Variants in GPATCH2 observed in about 807,000 individuals in gnomAD.
The protein encoded by GPATCH2 is G patch domain-containing protein 2.
Under a neutral mutation model 58.0 loss-of-function variants are expected in GPATCH2, and 51 were observed. The observed-to-expected ratio is 0.88, with a 90% CI of 0.70 to 1.11. The LOEUF (loss-of-function observed/expected upper bound fraction) is 1.11. GPATCH2 is among the 50% of genes most tolerant of loss of function. The pLI is 0.00. For synonymous variants in GPATCH2, 222 were observed against 218.5 expected, an observed-to-expected ratio of 1.02 and a Z score of -0.14; for missense variants, 625 against 652.2, an observed-to-expected ratio of 0.96 and a Z score of 0.45.
chr1:217,440,899 G>C (rs888012787), intron 9 of GPATCH2, among the ~76,000 whole-genome samples: 4 of 152,160 alleles, frequency 2.6e-5, no homozygotes, highest in African/African-American at 9.7e-5. Flanking sequence ...TCATGGATAG[G>C]AAGAATCAAT....
In GPATCH2 at chr1:217,549,603, TAG is replaced by T. The variant is rs201792937; in HGVS notation, c.1099-34716_1099-34715del. Among the ~76,000 whole-genome samples the T allele has an allele frequency of 4.5e-3, 692 of 152,302 alleles. 10 individuals carry two copies. The highest frequency in any genetic ancestry group is 0.015 in the African/African-American group (640 of 41,582). On this transcript the variant is annotated intron_variant, in intron 5 of 9. Transcript: ENST00000366935. ...GACCATTCAAAAGTAATGAAATACT[TAG>T]AGACTCTTGTCATTCATTCATTCAC...
chr1:217,494,275 G>A lies in GPATCH2; in HGVS notation c.1207-2525C>T, dbSNP rs143756504. 8.8e-3 allele frequency among the ~76,000 whole-genome samples: 1,345 copies of A among 152,280 alleles called. 15 individuals are homozygous for A. Among genetic ancestry groups the A allele is most frequent in the African/African-American group, 0.031 (1,272 of 41,564 alleles). ...ATCACAAACTTATCTCACCTTATCA[G>A]TACAATTATACATCTGGGGATACCA... On this transcript the variant is annotated intron_variant, in intron 7 of 9. Coordinates refer to ENST00000366935, the MANE Select transcript of GPATCH2 (RefSeq NM_018040.5).
intron 5 of GPATCH2, among the ~76,000 whole-genome samples, chr1:217,568,067 A>T (rs923324546): frequency 3.9e-5 from 6 of 152,220 alleles, no homozygotes; most frequent in Non-Finnish European, 7.3e-5. Context: ...CAGTGAGCCG[A>T]GATCGTGCCA....
intron 5 of GPATCH2, among the ~76,000 whole-genome samples, chr1:217,595,608 T>C (rs984720117): frequency 6.6e-6 from 1 of 152,060 alleles, no homozygotes; most frequent in African/African-American, 2.4e-5. Flanking sequence ...CAAGAAATTC[T>C]CCTGCCTCAG....
At chr1:217,471,114 A>G (rs1558415841) in intron 8 of GPATCH2, among the ~76,000 whole-genome samples, 1 of 151,908 alleles carries the variant, frequency 6.6e-6, no homozygotes, top group African/African-American at 2.4e-5. Flanking sequence ...ATATAAATAT[A>G]TAAAATATAA....
At chr1:217,447,911 A>AAC in intron 9 of GPATCH2, among the ~76,000 whole-genome samples, 1 of 152,218 alleles carries the variant, frequency 6.6e-6, no homozygotes, top group African/African-American at 2.4e-5. Flanking sequence ...CAGCCTGGCC[A>AAC]ACATGGTGAA....
At chr1:217,533,206 G>A (rs1005192078) in intron 5 of GPATCH2, among the ~76,000 whole-genome samples, 1 of 151,968 alleles carries the variant, frequency 6.6e-6, no homozygotes, top group Non-Finnish European at 1.5e-5. Context: ...ACCACACCCA[G>A]CCTGCTCTTT....
Position 217,447,030 on chromosome 1 carries a change from G to A in GPATCH2, c.1366+2219C>T, listed in dbSNP as rs61198190. 1.0e-2 allele frequency among the ~76,000 whole-genome samples: 1,515 copies of A among 152,180 alleles called. 18 individuals carry two copies. Among genetic ancestry groups the A allele is most frequent in the African/African-American group, 0.035 (1,457 of 41,506 alleles). Reference sequence around the variant, plus strand: ...AGATTGTTCTTGTACTGTTTCTGCCGCTAATGGTTGAATCAATGAAAGATA... The same window carrying A: ...AGATTGTTCTTGTACTGTTTCTGCCACTAATGGTTGAATCAATGAAAGATA... On this transcript the variant is annotated intron_variant, in intron 9 of 9. Transcript: ENST00000366935.
chr1:217,427,289 T>C lies in GPATCH2; in HGVS notation c.*3856A>G, dbSNP rs1396476655. 3 of 152,116 alleles carry C rather than the reference T, an allele frequency of 2.0e-5. No homozygotes were observed. Among genetic ancestry groups the C allele is most frequent in the Non-Finnish European group, 2.9e-5 (2 of 68,012 alleles). The allele number at this position is 152,116 out of a possible 1,614,324, so 9.4% of individuals were successfully genotyped here. On this transcript the variant is annotated 3_prime_UTR_variant, in exon 10 of 10. Coordinates refer to ENST00000366935, the MANE Select transcript of GPATCH2 (RefSeq NM_018040.5). The stretch of plus-strand genomic sequence containing the variant: ...CAGAAACAATAAAAACAGGAAAATG[T>C]GGTAGAGCAGCTCACAATCGGCTAT...
At chr1:217,588,058 A>G (rs1206124561) in intron 5 of GPATCH2, among the ~76,000 whole-genome samples, 1 of 152,134 alleles carries the variant, frequency 6.6e-6, no homozygotes, top group East Asian at 1.9e-4. Flanking sequence ...AGATAATGGT[A>G]TTAGTGTATA....
chr1:217,483,171 C>T, intron 8 of GPATCH2, among the ~76,000 whole-genome samples: 1 of 151,702 alleles, frequency 6.6e-6, no homozygotes, highest in East Asian at 1.9e-4. Flanking sequence ...ATTTGTATAC[C>T]AATCTTGTTT....
At chr1:217,464,252 C>A (rs1320331121) in intron 8 of GPATCH2, among the ~76,000 whole-genome samples, 10 of 152,092 alleles carry the variant, frequency 6.6e-5, no homozygotes, top group Non-Finnish European at 1.3e-4. Flanking sequence ...CAATACCTAG[C>A]CAACAAGGTA....
intron 5 of GPATCH2, among the ~76,000 whole-genome samples, chr1:217,580,366 T>C (rs1399929410): frequency 6.6e-6 from 1 of 152,176 alleles, no homozygotes; most frequent in Non-Finnish European, 1.5e-5. Context: ...TTAGTAATTA[T>C]GATGCTGATC....
chr1:217,518,089 T>C (rs548936029), intron 5 of GPATCH2, among the ~76,000 whole-genome samples: 314 of 152,274 alleles, frequency 2.1e-3, no homozygotes, highest in African/African-American at 7.4e-3. Context: ...AAAGCAGATA[T>C]ATTTCTTTTT....
intron 8 of GPATCH2, among the ~76,000 whole-genome samples, chr1:217,479,081 A>G (rs1302592609): frequency 6.6e-6 from 1 of 152,222 alleles, no homozygotes; most frequent in African/African-American, 2.4e-5. Context: ...CCAGACAAAC[A>G]AAACCTGAGG....
At chr1:217,522,473 T>C (rs1300103669) in intron 5 of GPATCH2, among the ~76,000 whole-genome samples, 1 of 152,078 alleles carries the variant, frequency 6.6e-6, no homozygotes, top group Non-Finnish European at 1.5e-5. Flanking sequence ...AAGCTGTGAG[T>C]GGCCTCTACT....
intron 5 of GPATCH2, among the ~76,000 whole-genome samples, chr1:217,567,704 A>C (rs1490178366): frequency 6.6e-6 from 1 of 152,256 alleles, no homozygotes; most frequent in East Asian, 1.9e-4. Flanking sequence ...AAGAATATTT[A>C]CAGTTTTCAA....
chr1:217,556,858 T>C (rs1218717244), intron 5 of GPATCH2, among the ~76,000 whole-genome samples: 1 of 152,202 alleles, frequency 6.6e-6, no homozygotes, highest in Non-Finnish European at 1.5e-5. Flanking sequence ...TGATAATCAT[T>C]TGTACTGTCT....
At chr1:217,431,684 C>T (rs561980439) in intron 9 of GPATCH2, among the ~76,000 whole-genome samples, 1 of 152,274 alleles carries the variant, frequency 6.6e-6, no homozygotes, top group African/African-American at 2.4e-5. Flanking sequence ...CAGATGAGAT[C>T]ATGTATGTAA....
Sources: allele counts gnomAD v4.1 joint callset (sites outside exome capture counted in the v4.1 genomes callset), GRCh38; gene constraint gnomAD v4.1.1; transcripts MANE v1.5; gene names NCBI Gene and HGNC (gene_info 2026-07-23, HGNC 2026-07-21).